ZNF148: variants seen among roughly 807,000 people sequenced by gnomAD.
ZNF148 encodes the protein zinc finger protein 148.
Under a neutral mutation model 67.7 loss-of-function variants are expected in ZNF148, and 7 were observed. The observed-to-expected ratio is 0.10, with a 90% CI of 0.06 to 0.19. The LOEUF (loss-of-function observed/expected upper bound fraction) is 0.19, where lower values mean the gene tolerates loss of function less well. ZNF148 is among the 10% of genes least tolerant of loss of function. The pLI is 1.00. For missense variants in ZNF148, 583 were observed against 947.1 expected (o/e 0.62, Z 5.05); for synonymous variants, 333 against 330.7 (o/e 1.01, Z -0.08).
intron 7 of ZNF148, among the ~76,000 whole-genome samples, chr3:125,243,265 CT>C (rs1007796282): frequency 5.9e-5 from 9 of 152,026 alleles, no homozygotes; most frequent in Non-Finnish European, 1.3e-4. Flanking sequence ...AGAGTGTTTT[CT>C]TCTGTTATAT....
At chr3:125,323,169 G>T (rs2107693272) in intron 3 of ZNF148, 140 bp downstream of exon 3, 1 of 381,158 alleles carries the variant, frequency 2.6e-6, no homozygotes, top group East Asian at 4.0e-5. Context: ...AAAAAAACTA[G>T]TTTCTTCCAA....
At chr3:125,240,612 A>T (rs992992912) in intron 7 of ZNF148, among the ~76,000 whole-genome samples, 11 of 152,084 alleles carry the variant, frequency 7.2e-5, no homozygotes, top group Admixed American at 2.6e-4. Context: ...AAAATTTTTT[A>T]AAATTAGCAG....
At chr3:125,304,242 T>C (rs778613667) in intron 4 of ZNF148, among the ~76,000 whole-genome samples, 1 of 151,986 alleles carries the variant, frequency 6.6e-6, no homozygotes, top group Non-Finnish European at 1.5e-5. Flanking sequence ...GTTCTCCATA[T>C]AGAGGGGCAG....
intron 4 of ZNF148, among the ~76,000 whole-genome samples, chr3:125,291,615 T>C (rs1255579929): frequency 1.3e-5 from 2 of 152,176 alleles, no homozygotes. Context: ...ATCTATTTTA[T>C]AGTCTCCCTG....
chr3:125,284,996 G>A (rs1938583825), intron 5 of ZNF148, among the ~76,000 whole-genome samples: 1 of 150,908 alleles, frequency 6.6e-6, no homozygotes, highest in Admixed American at 6.6e-5. Flanking sequence ...GGCAGCTAAA[G>A]ATGGAATAAC....
chr3:125,361,234 T>C (rs1360872739), intron 1 of ZNF148, among the ~76,000 whole-genome samples: 1 of 151,910 alleles, frequency 6.6e-6, no homozygotes, highest in Non-Finnish European at 1.5e-5. Flanking sequence ...TTCAGCTTGA[T>C]AAAAAAGGAC....
At chr3:125,258,304 A>G (rs1317691365) in intron 7 of ZNF148, among the ~76,000 whole-genome samples, 1 of 150,552 alleles carries the variant, frequency 6.6e-6, no homozygotes, top group Admixed American at 6.7e-5. Context: ...AGGTGCCTGT[A>G]TTCCCAGCTA....
At chr3:125,267,868 A>C (rs549387383) in intron 7 of ZNF148, among the ~76,000 whole-genome samples, 1 of 152,192 alleles carries the variant, frequency 6.6e-6, no homozygotes, top group Non-Finnish European at 1.5e-5. Context: ...ATGATAAACA[A>C]TTTCAGTAAA....
chr3:125,307,307 GTT>G (rs57145131), intron 4 of ZNF148, among the ~76,000 whole-genome samples: 78 of 144,334 alleles, frequency 5.4e-4, no homozygotes, highest in Admixed American at 8.2e-4. Flanking sequence ...ATCCATTCAT[GTT>G]TTTTTTTTTT....
Position 125,362,544 on chromosome 3 carries a change from TTTTTTG to T in ZNF148, c.-234+12552_-234+12557del, listed in dbSNP as rs1014323457. On this transcript the variant is annotated intron_variant, in intron 1 of 8. Coordinates refer to ENST00000360647, the MANE Select transcript of ZNF148 (RefSeq NM_021964.3). ...GATCCCCCACCAAAGTCCTTACCCT[TTTTTTG>T]TTTTTGTTTTTGTTTTTTTTTTGAG... Among the ~76,000 whole-genome samples the T allele has an allele frequency of 2.0e-4, 28 of 141,588 alleles. No individual in the cohort carries two copies. In the East Asian group the frequency reaches 3.5e-3, roughly 18 times the overall value. The allele number at this position is 141,588 out of a possible 152,430, so 92.9% of individuals were successfully genotyped here. A position where few individuals can be genotyped will look rare whatever the true frequency, so the allele number is the denominator to read the frequency against.
rs1939860080 is a variant in ZNF148, at chr3:125,306,047, C to A, written c.333+7261G>T. 3.9e-5 allele frequency among the ~76,000 whole-genome samples: 6 copies of A among 151,968 alleles called. No individual in the cohort carries two copies. The South Asian group carries it at 1.2e-3, about 32-fold the overall frequency. ...TGATGAAAAGATATCTGGAAAACTT[C>A]AAAATATTCAGAAATTAAGCAAAAC... On this transcript the variant is annotated intron_variant, in intron 4 of 8. Transcript: ENST00000360647.
chr3:125,284,101 C>T (rs981490443), intron 5 of ZNF148, among the ~76,000 whole-genome samples: 1 of 152,114 alleles, frequency 6.6e-6, no homozygotes, highest in African/African-American at 2.4e-5. Context: ...CATTCAGTTA[C>T]TAAGGAGGTG....
chr3:125,291,181 T>C (rs1579719961), intron 4 of ZNF148, among the ~76,000 whole-genome samples: 1 of 152,088 alleles, frequency 6.6e-6, no homozygotes, highest in Non-Finnish European at 1.5e-5. Flanking sequence ...CCTGCACCCA[T>C]ACCCAGTGAC....
chr3:125,273,212 CA>C (rs1250852330), intron 7 of ZNF148, among the ~76,000 whole-genome samples: 3 of 152,058 alleles, frequency 2.0e-5, no homozygotes, highest in Admixed American at 6.6e-5. Flanking sequence ...AACTGGTTTA[CA>C]AAAATAAGAT....
chr3:125,363,391 G>T (rs1363704691), intron 1 of ZNF148, among the ~76,000 whole-genome samples: 1 of 152,076 alleles, frequency 6.6e-6, no homozygotes, highest in Non-Finnish European at 1.5e-5. Context: ...ATCCAGTACT[G>T]ATGCCTCACA....
At chr3:125,269,201 C>T (rs1937611445) in intron 7 of ZNF148, among the ~76,000 whole-genome samples, 1 of 82,786 alleles carries the variant, frequency 1.2e-5, no homozygotes. Flanking sequence ...AGCCCGGTCT[C>T]TACCAAAAAA....
intron 7 of ZNF148, among the ~76,000 whole-genome samples, chr3:125,255,610 GTTTC>G (rs1937040133): frequency 6.6e-6 from 1 of 151,744 alleles, no homozygotes; most frequent in Admixed American, 6.6e-5. Flanking sequence ...AGGAACTATG[GTTTC>G]TTTTAGTGTG....
At chr3:125,244,121 G>A (rs1332506432) in intron 7 of ZNF148, among the ~76,000 whole-genome samples, 1 of 152,172 alleles carries the variant, frequency 6.6e-6, no homozygotes, top group African/African-American at 2.4e-5. Flanking sequence ...CCCACAAAAT[G>A]ATAATTTTCC....
intron 2 of ZNF148, among the ~76,000 whole-genome samples, chr3:125,328,882 T>C (rs1941144203): frequency 6.6e-6 from 1 of 152,078 alleles, no homozygotes; most frequent in Non-Finnish European, 1.5e-5. Context: ...AGATCCCCTC[T>C]CTCATAGACT....
Sources: gnomAD v4.1 joint callset for allele counts (sites outside exome capture counted in the v4.1 genomes callset) on GRCh38, gnomAD v4.1.1 for gene constraint, MANE v1.5 for transcripts, NCBI Gene and HGNC (gene_info 2026-07-23, HGNC 2026-07-21) for gene names.